FMR1NB: variants seen among roughly 807,000 people sequenced by gnomAD.
FMR1NB encodes FMR1 neighbor.
In FMR1NB, 10 loss-of-function variants were observed where a neutral mutation model predicts 16.8. The observed-to-expected ratio is 0.60, with a 90% CI of 0.37 to 1.01. The LOEUF (loss-of-function observed/expected upper bound fraction) is 1.01, where lower values mean the gene tolerates loss of function less well. Ranked by LOEUF, FMR1NB falls within the 50% of genes least tolerant of loss-of-function variation. FMR1NB has a pLI of 0.01. For synonymous variants in FMR1NB, 83 were observed against 79.1 expected, an observed-to-expected ratio of 1.05 and a Z score of -0.26; for missense variants, 205 against 204.8, an observed-to-expected ratio of 1.00 and a Z score of 0.00.
chrX:147,984,650 T>C (rs781989759), intron 1 of FMR1NB, among the ~76,000 whole-genome samples: 4 of 112,135 alleles, frequency 3.6e-5, no homozygotes, highest in Non-Finnish European at 7.5e-5. Flanking sequence ...TCATGTTATC[T>C]GTAAATAGAG....
At chrX:148,017,663 A>C in intron 4 of FMR1NB, among the ~76,000 whole-genome samples, 1 of 104,501 alleles carries the variant, frequency 9.6e-6, no homozygotes, top group East Asian at 3.2e-4. Flanking sequence ...CACATTAGGT[A>C]TATCTCCCAA....
intron 2 of FMR1NB, among the ~76,000 whole-genome samples, chrX:148,005,878 T>G (rs1557189046): frequency 8.9e-6 from 1 of 112,501 alleles, no homozygotes; most frequent in East Asian, 2.8e-4. Context: ...CTTTAGTGAT[T>G]ATAAAATATC....
rs1478434954 is a variant in FMR1NB at position 147,997,128 on chromosome X, G to A, written c.278-6073G>A. On this transcript the variant is annotated intron_variant, in intron 1 of 5. Coordinates refer to ENST00000370467, the MANE Select transcript of FMR1NB (RefSeq NM_152578.3). ...AAAAGGAGGCAATTGTCCCAGGGAA[G>A]AAAGAGCAGGGACAAAAGTTTATAA... Among the ~76,000 whole-genome samples the A allele has an allele frequency of 9.0e-5, 10 of 111,486 alleles. No individual in the cohort carries two copies. The East Asian group carries it at 2.8e-3, about 32-fold the overall frequency.
intron 4 of FMR1NB, among the ~76,000 whole-genome samples, chrX:148,023,910 C>G (rs2044691418): frequency 9.0e-6 from 1 of 111,070 alleles, no homozygotes; most frequent in Admixed American, 9.6e-5. Context: ...GGATTTGAAT[C>G]CTGGTTCTAC....
intron 4 of FMR1NB, among the ~76,000 whole-genome samples, chrX:148,012,187 A>G (rs2044628814): frequency 9.7e-5 from 5 of 51,326 alleles, no homozygotes; most frequent in Admixed American, 5.3e-4. Flanking sequence ...GGGGAAGAGA[A>G]AAAGGGAGGT....
intron 1 of FMR1NB, among the ~76,000 whole-genome samples, chrX:148,000,536 C>T (rs1017470340): frequency 9.0e-5 from 10 of 111,688 alleles, no homozygotes; most frequent in Non-Finnish European, 1.7e-4. Context: ...GGACTTTGTT[C>T]AAGAATGCAA....
At chrX:148,015,827 T>G (rs1443542748) in intron 4 of FMR1NB, among the ~76,000 whole-genome samples, 1 of 112,412 alleles carries the variant, frequency 8.9e-6, no homozygotes, top group African/African-American at 3.2e-5. Context: ...GTCTATTTGG[T>G]GTACAGTGCA....
At chrX:147,997,146 G>T (rs1557188229) in intron 1 of FMR1NB, among the ~76,000 whole-genome samples, 1 of 111,331 alleles carries the variant, frequency 9.0e-6, no homozygotes, top group Non-Finnish European at 1.9e-5. Context: ...AGGGACAAAA[G>T]TTTATAAAGC....
At chrX:147,997,027 G>T (rs1557188212) in intron 1 of FMR1NB, among the ~76,000 whole-genome samples, 1 of 111,598 alleles carries the variant, frequency 9.0e-6, no homozygotes, top group Non-Finnish European at 1.9e-5. Context: ...GCTGGAGGCT[G>T]TTTGGGTAGA....
At chrX:148,020,025 AG>A (rs1204595892) in intron 4 of FMR1NB, among the ~76,000 whole-genome samples, 2 of 112,381 alleles carry the variant, frequency 1.8e-5, no homozygotes, top group Non-Finnish European at 3.8e-5. Context: ...AGGCATGTCC[AG>A]GGGTACTTTC....
rs1557191008 is a variant in FMR1NB at position 148,026,483 on chromosome X, C to T, written c.*14-19C>T. 9.0e-6 allele frequency: 1 copy of T among 111,496 alleles called. No homozygotes were observed. The highest frequency in any genetic ancestry group is 9.6e-5 in the Admixed American group (1 of 10,427). 9.2% of individuals were successfully genotyped at this position (111,496 alleles called of 1,213,427 possible). A position where few individuals can be genotyped will look rare whatever the true frequency, so the allele number is the denominator to read the frequency against. ...AGCCTTTTCAAGTTGTTTAACCCTA[C>T]TTTACTTTTCTCCCATAGCATTATT... On this transcript the variant is annotated intron_variant, in intron 5 of 5. Coordinates refer to ENST00000370467, the MANE Select transcript of FMR1NB (RefSeq NM_152578.3).
chrX:148,023,506 C>G (rs782189400), intron 4 of FMR1NB, among the ~76,000 whole-genome samples: 3 of 109,906 alleles, frequency 2.7e-5, no homozygotes, highest in African/African-American at 1.0e-4. Context: ...CTGGGACCCA[C>G]ATGCTCAGAA....
intron 3 of FMR1NB, 30 bp downstream of exon 3, chrX:148,006,872 T>C (rs2044599244): frequency 2.6e-6 from 3 of 1,163,419 alleles, no homozygotes; most frequent in Non-Finnish European, 3.5e-6. Context: ...TTTATTTCTA[T>C]TTTTTAATAT....
intron 1 of FMR1NB, among the ~76,000 whole-genome samples, chrX:147,992,200 G>A (rs9662543): frequency 9.4e-6 from 1 of 106,666 alleles, no homozygotes; most frequent in Admixed American, 9.8e-5. Flanking sequence ...GGTGGTGGCC[G>A]GGCAGAGGGG....
At chrX:147,997,401 C>T (rs2044547231) in intron 1 of FMR1NB, among the ~76,000 whole-genome samples, 1 of 111,781 alleles carries the variant, frequency 8.9e-6, no homozygotes, top group African/African-American at 3.3e-5. Flanking sequence ...AACTGGCTAG[C>T]CATATGCAGG....
intron 1 of FMR1NB, among the ~76,000 whole-genome samples, chrX:147,998,415 G>A (rs1245569197): frequency 9.0e-6 from 1 of 111,558 alleles, no homozygotes; most frequent in Non-Finnish European, 1.9e-5. Context: ...GAGAACATAT[G>A]GACACAGGGA....
rs980891868 is a variant in FMR1NB at position 147,981,988 on chromosome X, G to A, written c.277+309G>A. ...ACAAAATAGACTAACCTCCCTTGTC[G>A]CCCCTTTTTAAAAATTGAGGACAAG... On this transcript the variant is annotated intron_variant, in intron 1 of 5. Coordinates refer to ENST00000370467, the MANE Select transcript of FMR1NB (RefSeq NM_152578.3). Among the ~76,000 whole-genome samples the A allele has an allele frequency of 2.4e-3, 272 of 111,217 alleles. 1 individual carries two copies. The highest frequency in any genetic ancestry group is 4.4e-3 in the Non-Finnish European group (232 of 52,978).
At chrX:148,020,495 A>AT (rs1162876206) in intron 4 of FMR1NB, among the ~76,000 whole-genome samples, 1 of 112,219 alleles carries the variant, frequency 8.9e-6, no homozygotes, top group Non-Finnish European at 1.9e-5. Context: ...ACAGCTGAGG[A>AT]TGTGCTGAGT....
intron 1 of FMR1NB, among the ~76,000 whole-genome samples, chrX:147,990,479 T>C (rs1036444358): frequency 6.3e-5 from 7 of 111,867 alleles, no homozygotes; most frequent in Admixed American, 9.5e-5. Context: ...TTTATATTGA[T>C]ATATCATAGT....
Sources: gnomAD v4.1 joint callset for allele counts (sites outside exome capture counted in the v4.1 genomes callset) on GRCh38, gnomAD v4.1.1 for gene constraint, MANE v1.5 for transcripts, NCBI Gene and HGNC (gene_info 2026-07-23, HGNC 2026-07-21) for gene names.